The following PMEL variants were observed in gnomAD, a reference collection of about 807,000 sequenced individuals.
The protein encoded by PMEL is premelanosome protein.
Under a neutral mutation model 64.9 loss-of-function variants are expected in PMEL, and 53 were observed. The observed-to-expected ratio is 0.82, with a 90% CI of 0.66 to 1.03. PMEL has a LOEUF of 1.03. Ranked by LOEUF, PMEL falls within the 50% of genes least tolerant of loss-of-function variation. The probability of loss-of-function intolerance (pLI) is 0.00; values close to 1 mark genes in which losing one functional copy is unlikely to be tolerated. For synonymous variants in PMEL, 299 were observed against 316.2 expected, an observed-to-expected ratio of 0.95 and a Z score of 0.58; for missense variants, 716 against 814.9, an observed-to-expected ratio of 0.88 and a Z score of 1.48.
chr12:55,957,862 A>C, intron 5 of PMEL, 61 bp downstream of exon 5: 11 of 1,595,988 alleles, frequency 6.9e-6, no homozygotes, highest in Non-Finnish European at 9.4e-6. Context: ...TTTCCAGTCC[A>C]TCCAAGCCTC....
In PMEL at chr12:55,955,310, A is replaced by G; in HGVS notation, c.1814T>C (p.Val605Ala). ...QVPLIVGILL[V>A]LMAVVLASLI... ...AGATGCAAGGACCACAGCCATCAAC[A>G]CCAGCAAGATGCCCACGATCAGCGG... The change falls in exon 10 of 11, where the codon GTG becomes GCG. Residue 605 changes from valine (V) to alanine (A), a missense_variant. Physicochemically the swap from Val to Ala is moderately conservative, Grantham distance 64 (BLOSUM62 0). Transcript: ENST00000548747. 6.2e-7 allele frequency: 1 copy of G among 1,614,156 alleles called. No individual in the cohort carries two copies. The highest frequency in any genetic ancestry group is 8.5e-7 in the Non-Finnish European group (1 of 1,179,998).
At chr12:55,962,672 C>A (rs1211425780) in intron 1 of PMEL, among the ~76,000 whole-genome samples, 2 of 150,578 alleles carry the variant, frequency 1.3e-5, no homozygotes, top group Admixed American at 1.3e-4. Flanking sequence ...TACAGGCACC[C>A]ACCACCACAC....
In PMEL at chr12:55,956,122, G is replaced by A. The variant is rs769404784; in HGVS notation, c.1452C>T (p.Ser484=). The A allele has an allele frequency of 1.7e-5, 28 of 1,612,418 alleles. No homozygotes were observed. In the South Asian group the frequency reaches 2.1e-4, roughly 12 times the overall value. ...ACTCACGGACAATGTCCAGGGTGAC[G>A]GAAAAGGAACCATATCGATACAGAA... ...DCVLYRYGSF[S]VTLDIVQGIE... The change falls in exon 7 of 11, where the codon TCC becomes TCT. Residue 484 remains serine (S), a synonymous_variant. Transcript: ENST00000548747.
Position 55,961,374 on chromosome 12 carries a change from T to C in PMEL, c.277A>G (p.Ser93Gly), listed in dbSNP as rs752601136. Reference sequence around the variant, plus strand: ...TGCCCATCTGGCAATACCTTTTGGCTTCCAGGGAAGTTCAAGGCAATAGAG... The same window carrying C: ...TGCCCATCTGGCAATACCTTTTGGCCTCCAGGGAAGTTCAAGGCAATAGAG... ...SFSIALNFPG[S>G]QKVLPDGQVI... Residue 93 changes from serine (S) to glycine (G), a missense_variant, in exon 3 of 11, where the codon AGC becomes GGC. Coordinates refer to ENST00000548747, the MANE Select transcript of PMEL (RefSeq NM_001384361.1). 3.0e-5 allele frequency: 49 copies of C among 1,614,064 alleles called. No homozygotes were observed. Among genetic ancestry groups the C allele is most frequent in the Non-Finnish European group, 4.0e-5 (47 of 1,180,022 alleles).
rs1888748715 is a variant in PMEL, at chr12:55,954,354, T to TA, written c.1851-6dup. On this transcript the variant is annotated splice_region_variant and splice_polypyrimidine_tract_variant and intron_variant, in intron 10 of 10. Coordinates refer to ENST00000548747, the MANE Select transcript of PMEL (RefSeq NM_001384361.1). ...TCTTGCTTCATAAGTCTGCGCCTGATATTGGGAGAAGGGGTAAACTGGTTA... is the reference window on the plus strand; with the variant it reads ...TCTTGCTTCATAAGTCTGCGCCTGATAATTGGGAGAAGGGGTAAACTGGTTA... The TA allele has an allele frequency of 1.2e-6, 2 of 1,613,844 alleles. No homozygotes were observed. The highest frequency in any genetic ancestry group is 2.2e-5 in the South Asian group (2 of 91,058).
At chr12:55,965,788 G>A in intron 1 of PMEL, 148 bp downstream of exon 1, 1 of 892,894 alleles carries the variant, frequency 1.1e-6, no homozygotes, top group Non-Finnish European at 1.8e-6. Flanking sequence ...TGTAGGGAGG[G>A]AGCCCAGGTG....
At chr12:55,965,335 C>G (rs1592778057) in intron 1 of PMEL, among the ~76,000 whole-genome samples, 1 of 151,860 alleles carries the variant, frequency 6.6e-6, no homozygotes, top group East Asian at 1.9e-4. Flanking sequence ...CATAAGATAC[C>G]CCATTCTTTC....
chr12:55,958,293 A>G, intron 4 of PMEL, 180 bp downstream of exon 4: 1 of 792,198 alleles, frequency 1.3e-6, no homozygotes, highest in Non-Finnish European at 2.0e-6. Flanking sequence ...GAGTTGCCAG[A>G]AAGAATTATG....
chr12:55,964,916 C>T (rs554807706), intron 1 of PMEL, among the ~76,000 whole-genome samples: 1 of 148,198 alleles, frequency 6.7e-6, no homozygotes, highest in South Asian at 2.1e-4. Context: ...TGTGCCGGGC[C>T]TCATCCCCTT....
At chr12:55,966,709 T>G (rs1314187965), upstream of PMEL, 2 of 1,123,144 alleles carry the variant, frequency 1.8e-6, no homozygotes, top group Admixed American at 4.5e-5. Flanking sequence ...GGAGGAGCGC[T>G]GGGCTCGCCC....
rs776396084 is a variant in PMEL, at chr12:55,961,356, C to G, written c.295G>C (p.Asp99His). The G allele has an allele frequency of 1.2e-6, 2 of 1,614,164 alleles. No individual in the cohort carries two copies. Among genetic ancestry groups the G allele is most frequent in the Non-Finnish European group, 1.7e-6 (2 of 1,179,988 alleles). Residue 99 changes from aspartate to histidine, a missense_variant, in exon 3 of 11, where the codon GAT (aspartate) becomes CAT (histidine). By Grantham distance (81) the Asp-to-His change is moderately conservative. Transcript: ENST00000548747. ...TTGTTGACCCAGATAACCTGCCCATCTGGCAATACCTTTTGGCTTCCAGGG... is the reference window on the plus strand; with the variant it reads ...TTGTTGACCCAGATAACCTGCCCATGTGGCAATACCTTTTGGCTTCCAGGG... Reference protein sequence around the residue: ...NFPGSQKVLPDGQVIWVNNTI... With the variant: ...NFPGSQKVLPHGQVIWVNNTI...
chr12:55,957,998 C>G lies in PMEL; in HGVS notation c.556G>C (p.Val186Leu). 6.2e-7 allele frequency: 1 copy of G among 1,614,246 alleles called. No homozygotes were observed. The highest frequency in any genetic ancestry group is 1.1e-5 in the South Asian group (1 of 91,080). ...RAMLGTHTME[V>L]TVYHRRGSRS... Reference sequence around the variant, plus strand: ...GATCCCCGGCGATGGTAGACAGTCACTTCCATGGTGTGTGTGCCCAGCATT... The same window carrying G: ...GATCCCCGGCGATGGTAGACAGTCAGTTCCATGGTGTGTGTGCCCAGCATT... The change falls in exon 5 of 11, where the codon GTG becomes CTG. Residue 186 changes from valine to leucine, a missense_variant. By Grantham distance (32) the Val-to-Leu change is conservative (BLOSUM62 1). Coordinates refer to ENST00000548747, the MANE Select transcript of PMEL (RefSeq NM_001384361.1).
intron 7 of PMEL, 73 bp from the exon 8 acceptor site, chr12:55,955,936 C>A: frequency 1.5e-6 from 2 of 1,346,752 alleles, no homozygotes; most frequent in Non-Finnish European, 1.1e-6. Context: ...ACAGAAAAGC[C>A]CCAGGGCTGC....
chr12:55,955,714 C>T (rs761875365), intron 8 of PMEL, 45 bp from the exon 9 acceptor site: 3 of 1,609,350 alleles, frequency 1.9e-6, no homozygotes, highest in South Asian at 1.1e-5. Context: ...GGAAGGGACA[C>T]TAAATGCCAG....
Position 55,955,686 on chromosome 12 carries a change from C to T in PMEL, c.1557-17G>A. On this transcript the variant is annotated splice_polypyrimidine_tract_variant and intron_variant, in intron 8 of 10. Transcript: ENST00000548747. ...TTGGGCAGCCTGGAAGAAGTGTCAG[C>T]ATATATAAGGGGATCTGGGAAGGGA... is the stretch of plus-strand genomic sequence containing the variant. The T allele has an allele frequency of 6.2e-7, 1 of 1,611,948 alleles. No homozygotes were observed. The highest frequency in any genetic ancestry group is 2.2e-5 in the East Asian group (1 of 44,830).
chr12:55,956,962 C>T lies in PMEL; in HGVS notation c.1341G>A (p.Thr447=), dbSNP rs149851365. Residue 447 remains threonine (T), a synonymous_variant, in exon 6 of 11, where the codon ACG becomes ACA. Transcript: ENST00000548747. ...TGATACTCTTACCTGTAATACTTTCCGTAGACATGATTGAGCTGGCATCTG... is the reference window on the plus strand; with the variant it reads ...TGATACTCTTACCTGTAATACTTTCTGTAGACATGATTGAGCTGGCATCTG... ...EGPDASSIMS[T]ESITGSLGPL... 1.0e-4 allele frequency: 162 copies of T among 1,614,074 alleles called. No individual in the cohort carries two copies. The African/African-American group carries it at 1.9e-3, about 19-fold the overall frequency.
intron 3 of PMEL, among the ~76,000 whole-genome samples, chr12:55,958,955 T>A (rs1889000705): frequency 1.3e-5 from 2 of 151,658 alleles, no homozygotes; most frequent in South Asian, 4.2e-4. Context: ...CTAATTTTAT[T>A]TTTTTGTAGA....
upstream of PMEL, chr12:55,966,093 G>C: frequency 6.2e-7 from 1 of 1,605,914 alleles, no homozygotes; most frequent in Non-Finnish European, 8.5e-7. Context: ...CATTTGCATA[G>C]CCCTTCCTCT....
chr12:55,957,067 T>A lies in PMEL; in HGVS notation c.1236A>T (p.Gly412=). ...TAGTTGTTACCTGTGCAGCTGTGGT[T>A]CCAGAAAGCACCACAATTGATACCT... ...PAEVSIVVLS[G]TTAAQVTTTE... The change falls in exon 6 of 11, where the codon GGA becomes GGT. Residue 412 remains glycine (G), a synonymous_variant. Coordinates refer to ENST00000548747, the MANE Select transcript of PMEL (RefSeq NM_001384361.1). 1.9e-6 allele frequency: 3 copies of A among 1,614,202 alleles called. No individual in the cohort carries two copies. The highest frequency in any genetic ancestry group is 1.7e-6 in the Non-Finnish European group (2 of 1,180,028).
Sources: gnomAD v4.1 joint callset for allele counts (sites outside exome capture counted in the v4.1 genomes callset) on GRCh38, gnomAD v4.1.1 for gene constraint, MANE v1.5 for transcripts, NCBI Gene and HGNC (gene_info 2026-07-23, HGNC 2026-07-21) for gene names.